Variants in KAZN observed in about 807,000 individuals in gnomAD.
The protein encoded by KAZN is kazrin.
KAZN carries 40 observed loss-of-function variants against 87.4 expected under a neutral mutation model. The ratio of observed to expected loss-of-function variants is 0.46; its 90% CI spans 0.36 to 0.60. KAZN has a LOEUF of 0.60. Among genes scored for constraint, KAZN ranks in the 20% least tolerant of loss-of-function variants. The pLI, the probability that KAZN is intolerant of heterozygous loss-of-function variation, is 0.00. For missense variants in KAZN, 898 were observed against 1,073.9 expected (o/e 0.84, Z 2.29); for synonymous variants, 466 against 458.3 (o/e 1.02, Z -0.22).
chr1:14,755,138 A>T (rs975356432), intron 1 of KAZN, among the ~76,000 whole-genome samples: 1 of 150,634 alleles, frequency 6.6e-6, no homozygotes, highest in Admixed American at 6.6e-5. Flanking sequence ...CCACAGTTCC[A>T]GCTACTCAGG....
At chr1:14,713,797 A>AAAAAAAAGAAAGAAAG (rs1553215138) in intron 1 of KAZN, among the ~76,000 whole-genome samples, 58 of 95,668 alleles carry the variant, frequency 6.1e-4, no homozygotes, top group African/African-American at 1.6e-3. Flanking sequence ...AAAAAAAAAA[A>AAAAAAAAGAAAGAAAG]AAAGAAAGAA....
At chr1:14,345,932 G>T (rs544251524) in intron 2 of KAZN, among the ~76,000 whole-genome samples, 1 of 152,336 alleles carries the variant, frequency 6.6e-6, no homozygotes, top group Non-Finnish European at 1.5e-5. Context: ...GTTAGGGTCA[G>T]GTGTGAGAGG....
At chr1:14,829,816 A>T (rs572745758) in intron 1 of KAZN, among the ~76,000 whole-genome samples, 1 of 152,244 alleles carries the variant, frequency 6.6e-6, no homozygotes, top group East Asian at 1.9e-4. Context: ...GACACTGGAT[A>T]GTGAAGGACC....
At chr1:14,585,923 A>G (rs900569135) in intron 2 of KAZN, among the ~76,000 whole-genome samples, 1 of 152,226 alleles carries the variant, frequency 6.6e-6, no homozygotes, top group Non-Finnish European at 1.5e-5. Context: ...ACACCTTCCC[A>G]GAACTGCACA....
Position 14,622,038 on chromosome 1 carries a change from G to A in KAZN, c.226+22815G>A, listed in dbSNP as rs117723352. On this transcript the variant is annotated intron_variant, in intron 1 of 14. Transcript: ENST00000376030. ...CTAACTTGCACATTGCAGACAGTCA[G>A]CTACTGAGGCAGCATCTCCTCTTCC... Among the ~76,000 whole-genome samples, 237 of 152,294 alleles carry A rather than the reference G, an allele frequency of 1.6e-3. 3 individuals are homozygous for A. In the East Asian group the frequency reaches 0.021, roughly 13 times the overall value.
chr1:14,775,080 C>CAA (rs1282193898), intron 1 of KAZN, among the ~76,000 whole-genome samples: 29 of 152,232 alleles, frequency 1.9e-4, no homozygotes, highest in African/African-American at 6.5e-4. Flanking sequence ...ACCTAAGAGG[C>CAA]TCACGGGTGT....
intron 1 of KAZN, among the ~76,000 whole-genome samples, chr1:14,659,709 G>T (rs2148712204): frequency 6.6e-6 from 1 of 152,192 alleles, no homozygotes; most frequent in South Asian, 2.1e-4. Flanking sequence ...TGAGTTTGTT[G>T]CATTTAGAAA....
At chr1:14,172,828 C>T (rs1645983778) in intron 1 of KAZN, among the ~76,000 whole-genome samples, 1 of 152,186 alleles carries the variant, frequency 6.6e-6, no homozygotes, top group Non-Finnish European at 1.5e-5. Context: ...ATGGCTTTTT[C>T]ACTCGTGTAT....
At chr1:14,362,154 C>G (rs1571395692) in intron 2 of KAZN, among the ~76,000 whole-genome samples, 1 of 152,302 alleles carries the variant, frequency 6.6e-6, no homozygotes, top group Middle Eastern at 3.4e-3. Context: ...TGTCCAGGCA[C>G]TCTTCAAGGC....
intron 1 of KAZN, among the ~76,000 whole-genome samples, chr1:14,044,392 C>T (rs1202292384): frequency 2.0e-5 from 3 of 151,754 alleles, no homozygotes; most frequent in Middle Eastern, 3.4e-3. Context: ...ACTGTTCCGC[C>T]CCCCACCAAG....
intron 1 of KAZN, among the ~76,000 whole-genome samples, chr1:14,017,082 A>G (rs554214548): frequency 2.6e-5 from 4 of 152,338 alleles, no homozygotes; most frequent in Admixed American, 2.0e-4. Flanking sequence ...ATGGAAGACA[A>G]GTAGGACATG....
intron 2 of KAZN, among the ~76,000 whole-genome samples, chr1:14,536,492 T>C (rs1672513049): frequency 6.6e-6 from 1 of 152,130 alleles, no homozygotes; most frequent in African/African-American, 2.4e-5. Context: ...TGGTGGCTGT[T>C]GACATTGGGA....
At chr1:14,037,656 A>C (rs1398298210) in intron 1 of KAZN, among the ~76,000 whole-genome samples, 2 of 152,196 alleles carry the variant, frequency 1.3e-5, no homozygotes, top group Admixed American at 1.3e-4. Flanking sequence ...GCACAGAAGC[A>C]GCTGTCAGCA....
At chr1:14,242,545 C>CA (rs1346746575) in intron 2 of KAZN, among the ~76,000 whole-genome samples, 1 of 152,124 alleles carries the variant, frequency 6.6e-6, no homozygotes, top group African/African-American at 2.4e-5. Flanking sequence ...GTAAACAAAA[C>CA]AGACAAAGTC....
intron 2 of KAZN, among the ~76,000 whole-genome samples, chr1:14,393,944 C>T (rs190629001): frequency 8.0e-5 from 12 of 150,840 alleles, no homozygotes. Flanking sequence ...GCCCTTTAAA[C>T]TCATTTTAAT....
intron 1 of KAZN, among the ~76,000 whole-genome samples, chr1:14,853,302 G>A (rs547258312): frequency 4.9e-4 from 75 of 152,278 alleles, no homozygotes; most frequent in South Asian, 1.2e-3. Flanking sequence ...CAGTGGACAG[G>A]AAGGGCATCC....
At chr1:14,630,679 C>G (rs1282875463) in intron 1 of KAZN, among the ~76,000 whole-genome samples, 1 of 152,246 alleles carries the variant, frequency 6.6e-6, no homozygotes, top group South Asian at 2.1e-4. Flanking sequence ...GTGCATTATT[C>G]TCTCTAATGA....
intron 1 of KAZN, among the ~76,000 whole-genome samples, chr1:14,740,821 C>T (rs906648481): frequency 2.0e-5 from 3 of 152,158 alleles, no homozygotes; most frequent in Non-Finnish European, 2.9e-5. Context: ...GGAAAGATTC[C>T]ACCTTTGCTG....
chr1:14,058,530 C>T (rs1642667419), intron 1 of KAZN, among the ~76,000 whole-genome samples: 2 of 152,168 alleles, frequency 1.3e-5, no homozygotes, highest in African/African-American at 2.4e-5. Flanking sequence ...ACACTGTGTC[C>T]TGGGCTATGT....
Sources: gnomAD v4.1 joint callset for allele counts (sites outside exome capture counted in the v4.1 genomes callset) on GRCh38, gnomAD v4.1.1 for gene constraint, MANE v1.5 for transcripts, NCBI Gene and HGNC (gene_info 2026-07-23, HGNC 2026-07-21) for gene names.